Variants in TBC1D15 observed in about 807,000 individuals in gnomAD.
The protein encoded by TBC1D15 is GAP for RAB7.
Under a neutral mutation model 95.4 loss-of-function variants are expected in TBC1D15, and 39 were observed. The ratio of observed to expected loss-of-function variants is 0.41; its 90% CI spans 0.32 to 0.53. The LOEUF (loss-of-function observed/expected upper bound fraction) is 0.53. TBC1D15 is among the 20% of genes least tolerant of loss of function. The pLI, the probability that TBC1D15 is intolerant of heterozygous loss-of-function variation, is 0.29. For synonymous variants in TBC1D15, 258 were observed against 261.3 expected (o/e 0.99, Z 0.12); for missense variants, 733 against 794.3 (o/e 0.92, Z 0.93).
chr12:71,853,827 G>A (rs775715468), intron 1 of TBC1D15, among the ~76,000 whole-genome samples: 8 of 152,198 alleles, frequency 5.3e-5, no homozygotes, highest in Non-Finnish European at 1.0e-4. Flanking sequence ...ATGAGGCAAG[G>A]GAGTGCTTTG....
intron 7 of TBC1D15, among the ~76,000 whole-genome samples, chr12:71,895,389 C>G (rs1047295899): frequency 1.3e-5 from 2 of 151,976 alleles, no homozygotes; most frequent in Admixed American, 6.6e-5. Flanking sequence ...CTATAAATAT[C>G]TAAATTTTAG....
chr12:71,899,027 A>G (rs1026716084), intron 10 of TBC1D15, among the ~76,000 whole-genome samples: 7 of 152,208 alleles, frequency 4.6e-5, no homozygotes, highest in African/African-American at 1.7e-4. Context: ...TTTCAGTTTC[A>G]GTAGGAAAAA....
At chr12:71,912,839 T>G (rs188214368) in intron 11 of TBC1D15, among the ~76,000 whole-genome samples, 1 of 152,218 alleles carries the variant, frequency 6.6e-6, no homozygotes, top group Admixed American at 6.5e-5. Flanking sequence ...CGAAGTTGAA[T>G]GATAACGTTT....
In TBC1D15 at chr12:71,913,934, C is replaced by A; in HGVS notation, c.1401+8C>A. 6.4e-7 allele frequency: 1 copy of A among 1,564,188 alleles called. No individual in the cohort carries two copies. The highest frequency in any genetic ancestry group is 1.9e-5 in the Admixed American group (1 of 52,094). ...TCTTACATGGACCAAATGGTAAGAA[C>A]AGAGATTCCTTCCATTAAACTGATT... On this transcript the variant is annotated splice_region_variant and intron_variant, in intron 12 of 16. Coordinates refer to ENST00000485960, the MANE Select transcript of TBC1D15 (RefSeq NM_001146213.3).
At chr12:71,904,448 TAAGA>T (rs1900185751) in intron 10 of TBC1D15, among the ~76,000 whole-genome samples, 1 of 152,120 alleles carries the variant, frequency 6.6e-6, no homozygotes, top group Non-Finnish European at 1.5e-5. Flanking sequence ...AAAGTAGGAT[TAAGA>T]AAGGTTTTTA....
rs73336847 is a variant in TBC1D15 at position 71,896,797 on chromosome 12, C to G, written c.1088+17C>G. ...GCAAAAAACGTAAGTAATGGTCTTT[C>G]GTACATTTATCAAAGAGATTCAAGT... On this transcript the variant is annotated intron_variant, in intron 9 of 16. Coordinates refer to ENST00000485960, the MANE Select transcript of TBC1D15 (RefSeq NM_001146213.3). The G allele has an allele frequency of 6.3e-7, 1 of 1,588,798 alleles. No homozygotes were observed. Among genetic ancestry groups the G allele is most frequent in the East Asian group, 2.2e-5 (1 of 44,606 alleles).
chr12:71,883,079 A>G (rs1437547632), intron 4 of TBC1D15, among the ~76,000 whole-genome samples: 1 of 152,020 alleles, frequency 6.6e-6, no homozygotes, highest in Non-Finnish European at 1.5e-5. Context: ...GCAACGAAGA[A>G]TTTAATTTAA....
intron 3 of TBC1D15, among the ~76,000 whole-genome samples, chr12:71,879,189 A>G (rs1856890064): frequency 2.0e-5 from 3 of 150,640 alleles, no homozygotes; most frequent in East Asian, 2.0e-4. Flanking sequence ...CTGGAGTGCA[A>G]TGGCTCAATC....
chr12:71,911,277 A>G (rs1051818277), intron 11 of TBC1D15, among the ~76,000 whole-genome samples: 1 of 152,180 alleles, frequency 6.6e-6, no homozygotes, highest in African/African-American at 2.4e-5. Flanking sequence ...TACTGGGTAT[A>G]TACCCAAAGG....
rs1302857187 is a variant in TBC1D15 at position 71,923,158 on chromosome 12, C to A, written c.1979C>A (p.Thr660Lys). The A allele has an allele frequency of 6.2e-7, 1 of 1,614,216 alleles. No individual in the cohort carries two copies. Among genetic ancestry groups the A allele is most frequent in the Non-Finnish European group, 8.5e-7 (1 of 1,180,042 alleles). The stretch of plus-strand genomic sequence containing the variant: ...AGTGGAGCCAGAAATGACAGCCCAA[C>A]ACAGATACCAGTGTCCTCAGATGTC... ...SASGARNDSP[T>K]QIPVSSDVCR... is the part of the protein sequence containing the mutation. The change falls in exon 17 of 17, where the codon ACA becomes AAA. Residue 660 changes from threonine (T) to lysine (K), a missense_variant. Physicochemically the swap from Thr to Lys is moderately conservative, Grantham distance 78. Transcript: ENST00000485960.
chr12:71,871,965 C>T, intron 1 of TBC1D15, 105 bp from the exon 2 acceptor site: 1 of 444,154 alleles, frequency 2.3e-6, no homozygotes, highest in Non-Finnish European at 4.0e-6. Flanking sequence ...ATGAAATAAT[C>T]AGAAACTTGG....
At position 71,893,308 on chromosome 12, in the gene TBC1D15, C is replaced by G; in HGVS notation, c.641C>G (p.Ala214Gly). 7 of 1,608,358 alleles carry G rather than the reference C, an allele frequency of 4.4e-6. No homozygotes were observed. The highest frequency in any genetic ancestry group is 5.9e-6 in the Non-Finnish European group (7 of 1,176,554). Reference protein sequence around the residue: ...QSFENLLDEPAYGLIQKIKKD... With the variant: ...QSFENLLDEPGYGLIQKIKKD... ...TTTGAAAATCTTCTTGATGAGCCAGCATATGGTTTAATACAAGTATGTTCC... is the reference window on the plus strand; with the variant it reads ...TTTGAAAATCTTCTTGATGAGCCAGGATATGGTTTAATACAAGTATGTTCC... The change falls in exon 6 of 17, where the codon GCA (alanine) becomes GGA (glycine). Residue 214 changes from alanine (A) to glycine (G), a missense_variant. Transcript: ENST00000485960.
At chr12:71,865,782 G>T (rs1012874911) in intron 1 of TBC1D15, among the ~76,000 whole-genome samples, 20 of 152,106 alleles carry the variant, frequency 1.3e-4, no homozygotes, top group Non-Finnish European at 2.6e-4. Context: ...CTCAGCCTGG[G>T]GATGTGTAGC....
chr12:71,923,932 C>T lies in TBC1D15; in HGVS notation c.*728C>T, dbSNP rs1870329410. The T allele has an allele frequency of 6.6e-6, 1 of 152,438 alleles. No individual in the cohort carries two copies. The highest frequency in any genetic ancestry group is 1.9e-4 in the East Asian group (1 of 5,192). The allele number at this position is 152,438 out of a possible 1,614,324, so 9.4% of individuals were successfully genotyped here. A position where few individuals can be genotyped will look rare whatever the true frequency, so the allele number is the denominator to read the frequency against. On this transcript the variant is annotated 3_prime_UTR_variant, in exon 17 of 17. Coordinates refer to ENST00000485960, the MANE Select transcript of TBC1D15 (RefSeq NM_001146213.3). ...GGTTTATCAAAATTTAACATGGCTTCAGTATGAGATCTTTTTCAAAACTAT... is the reference window on the plus strand; with the variant it reads ...GGTTTATCAAAATTTAACATGGCTTTAGTATGAGATCTTTTTCAAAACTAT...
chr12:71,859,826 G>C (rs1481902946), intron 1 of TBC1D15, among the ~76,000 whole-genome samples: 1 of 152,120 alleles, frequency 6.6e-6, no homozygotes, highest in Admixed American at 6.6e-5. Context: ...GGCCAGGCTG[G>C]TCTTGAACTC....
intron 12 of TBC1D15, 59 bp downstream of exon 12, chr12:71,913,985 A>G: frequency 7.7e-7 from 1 of 1,291,262 alleles, no homozygotes; most frequent in Non-Finnish European, 1.1e-6. Flanking sequence ...GTATAATTTT[A>G]TAGTATAAGG....
At chr12:71,852,754 T>C (rs1888136987) in intron 1 of TBC1D15, among the ~76,000 whole-genome samples, 1 of 152,168 alleles carries the variant, frequency 6.6e-6, no homozygotes. Flanking sequence ...AAAGTGACTT[T>C]TACTCCACTT....
At chr12:71,902,977 A>G (rs534636805) in intron 10 of TBC1D15, among the ~76,000 whole-genome samples, 14 of 152,314 alleles carry the variant, frequency 9.2e-5, no homozygotes, top group Middle Eastern at 3.4e-3. Context: ...CAGCAGTGCA[A>G]TCTCGGCTCA....
intron 6 of TBC1D15, among the ~76,000 whole-genome samples, chr12:71,893,981 A>G (rs1382879614): frequency 6.6e-6 from 1 of 151,984 alleles, no homozygotes; most frequent in Admixed American, 6.6e-5. Flanking sequence ...AAAGAGGATG[A>G]GAGAGAGAAC....
Sources: allele counts gnomAD v4.1 joint callset (sites outside exome capture counted in the v4.1 genomes callset), GRCh38; gene constraint gnomAD v4.1.1; transcripts MANE v1.5; gene names NCBI Gene and HGNC (gene_info 2026-07-23, HGNC 2026-07-21).